The following ARMC3 variants were observed in gnomAD, a reference collection of about 807,000 sequenced individuals.
ARMC3 encodes the protein armadillo repeat containing 3.
ARMC3 carries 74 observed loss-of-function variants against 90.3 expected under a neutral mutation model. The ratio of observed to expected loss-of-function variants is 0.82; its 90% CI spans 0.68 to 0.99. The LOEUF (loss-of-function observed/expected upper bound fraction) is 0.99, where lower values mean the gene tolerates loss of function less well. Among genes scored for constraint, ARMC3 ranks in the 50% least tolerant of loss-of-function variants. ARMC3 has a pLI of 0.00. For synonymous variants in ARMC3, 334 were observed against 361.8 expected, an observed-to-expected ratio of 0.92 and a Z score of 0.87; for missense variants, 958 against 1,042.8, an observed-to-expected ratio of 0.92 and a Z score of 1.12.
At chr10:22,932,080 CA>C (rs1178926575) in intron 2 of ARMC3, 36 bp downstream of exon 2, 1 of 1,538,442 alleles carries the variant, frequency 6.5e-7, no homozygotes, top group Non-Finnish European at 8.8e-7. Context: ...AGCACTTTAA[CA>C]ACCAGTTATA....
intron 7 of ARMC3, 90 bp downstream of exon 7, chr10:22,962,168 T>A: frequency 1.0e-6 from 1 of 980,902 alleles, no homozygotes. Flanking sequence ...TAACGTGTAT[T>A]AAGTGTAATA....
chr10:23,022,704 C>T (rs1024509028), intron 16 of ARMC3, among the ~76,000 whole-genome samples: 4 of 152,146 alleles, frequency 2.6e-5, no homozygotes, highest in African/African-American at 9.7e-5. Flanking sequence ...TCCCTTTTCC[C>T]CCTTCTACCC....
Position 22,959,073 on chromosome 10 carries a change from A to G in ARMC3, c.296A>G (p.Asp99Gly). 6.2e-7 allele frequency: 1 copy of G among 1,605,496 alleles called. No homozygotes were observed. Among genetic ancestry groups the G allele is most frequent in the Non-Finnish European group, 8.5e-7 (1 of 1,172,256 alleles). ...MIFGILASNN[D>G]VKKLLRELDV... is the part of the protein sequence containing the mutation. Reference sequence around the variant, plus strand: ...TACTCTGTTTCTTCCTTTGTAGATGATGTTAAAAAATTGTTAAGGGAGTTA... The same window carrying G: ...TACTCTGTTTCTTCCTTTGTAGATGGTGTTAAAAAATTGTTAAGGGAGTTA... Residue 99 changes from aspartate (D) to glycine (G), a missense_variant, in exon 5 of 19, where the codon GAT becomes GGT. Asp to Gly is a moderately conservative substitution (Grantham distance 94, BLOSUM62 -1). Transcript: ENST00000298032.
At chr10:23,011,100 C>T (rs561768532) in intron 16 of ARMC3, among the ~76,000 whole-genome samples, 1 of 151,444 alleles carries the variant, frequency 6.6e-6, no homozygotes, top group Non-Finnish European at 1.5e-5. Context: ...ACCCTTTGGC[C>T]TCTCTGAGCC....
chr10:22,942,978 C>T (rs991265111), intron 2 of ARMC3, among the ~76,000 whole-genome samples: 1 of 152,018 alleles, frequency 6.6e-6, no homozygotes, highest in Non-Finnish European at 1.5e-5. Flanking sequence ...TTGTATGATT[C>T]CTTATATGAA....
At chr10:22,963,879 A>C (rs1316931654) in intron 7 of ARMC3, among the ~76,000 whole-genome samples, 1 of 125,272 alleles carries the variant, frequency 8.0e-6, no homozygotes. Flanking sequence ...ACAGGGCGAG[A>C]CTCTGTCTCA....
At chr10:22,971,816 A>G (rs1015777388) in intron 8 of ARMC3, among the ~76,000 whole-genome samples, 1 of 152,088 alleles carries the variant, frequency 6.6e-6, no homozygotes, top group Non-Finnish European at 1.5e-5. Context: ...CCCATAACCA[A>G]TGCACAAGAG....
intron 16 of ARMC3, among the ~76,000 whole-genome samples, chr10:23,024,403 T>C (rs568250761): frequency 7.4e-5 from 9 of 120,964 alleles, no homozygotes; most frequent in African/African-American, 1.1e-4. Context: ...CATAGATAGA[T>C]AGATAGATAG....
intron 13 of ARMC3, among the ~76,000 whole-genome samples, chr10:23,004,687 T>C (rs1353423241): frequency 6.6e-6 from 1 of 152,172 alleles, no homozygotes; most frequent in African/African-American, 2.4e-5. Flanking sequence ...TGAGCCCCGG[T>C]TGCAGGAAGC....
At chr10:22,933,084 C>T (rs1009536617) in intron 2 of ARMC3, among the ~76,000 whole-genome samples, 1 of 152,156 alleles carries the variant, frequency 6.6e-6, no homozygotes, top group Non-Finnish European at 1.5e-5. Context: ...CACACACTTG[C>T]ACCCCTGTGC....
intron 8 of ARMC3, among the ~76,000 whole-genome samples, chr10:22,970,522 T>A (rs1588861135): frequency 6.6e-6 from 1 of 152,182 alleles, no homozygotes; most frequent in Non-Finnish European, 1.5e-5. Flanking sequence ...GGATTTTCAC[T>A]TGTTAAAGAA....
At chr10:23,001,564 CTCTG>C (rs1399463464) in intron 11 of ARMC3, among the ~76,000 whole-genome samples, 2 of 152,164 alleles carry the variant, frequency 1.3e-5, no homozygotes, top group Non-Finnish European at 2.9e-5. Flanking sequence ...GGGCCCCTTA[CTCTG>C]TCTATCACTG....
chr10:23,003,702 G>A (rs1267628904), intron 13 of ARMC3, among the ~76,000 whole-genome samples: 1 of 152,180 alleles, frequency 6.6e-6, no homozygotes, highest in African/African-American at 2.4e-5. Context: ...ATGCATATCT[G>A]TAGTCCCAGC....
At chr10:22,993,241 A>G (rs7917328) in intron 10 of ARMC3, among the ~76,000 whole-genome samples, 6 of 152,176 alleles carry the variant, frequency 3.9e-5, no homozygotes, top group African/African-American at 1.4e-4. Context: ...AATGGTGTCA[A>G]CTGGTGCACA....
chr10:23,024,288 T>C (rs76568538), intron 16 of ARMC3, among the ~76,000 whole-genome samples: 21,980 of 151,978 alleles, frequency 0.14, 1,699 homozygotes, highest in South Asian at 0.16. Flanking sequence ...ACTAAACAAC[T>C]TACAGTTAGC....
At chr10:22,975,001 G>A (rs1835855774) in intron 8 of ARMC3, among the ~76,000 whole-genome samples, 1 of 152,098 alleles carries the variant, frequency 6.6e-6, no homozygotes, top group Non-Finnish European at 1.5e-5. Flanking sequence ...TTGTCATTTA[G>A]AGTTATATAC....
At position 22,959,088 on chromosome 10, in the gene ARMC3, TA is replaced by T; in HGVS notation, c.313del (p.Arg105GlyfsTer3). On this transcript the variant is annotated frameshift_variant, in exon 5 of 19. Coordinates refer to ENST00000298032, the MANE Select transcript of ARMC3 (RefSeq NM_173081.5). LOFTEE classifies it high-confidence loss of function. ...TTTGTAGATGATGTTAAAAAATTGT[TA>T]AGGGAGTTAGATGTCATGAATTCTG... The part of the protein sequence containing the change: ...LASNNDVKKL[L>X]RELDVMNSVI... The T allele has an allele frequency of 1.2e-6, 2 of 1,611,518 alleles. No individual in the cohort carries two copies. The highest frequency in any genetic ancestry group is 1.7e-6 in the Non-Finnish European group (2 of 1,177,666).
At position 22,990,847 on chromosome 10, in the gene ARMC3, C is replaced by T. The variant is rs187738081; in HGVS notation, c.1176-7301C>T. 3.3e-5 allele frequency among the ~76,000 whole-genome samples: 5 copies of T among 152,294 alleles called. No homozygotes were observed. The East Asian group carries it at 9.6e-4, about 29-fold the overall frequency. On this transcript the variant is annotated intron_variant, in intron 10 of 18. Transcript: ENST00000298032. ...ATGATCTCTTTGAATTCCTCCAGCA[C>T]TCCTTGTACTCACTCCAGTAGGCAC... is the stretch of plus-strand genomic sequence containing the variant.
At chr10:22,954,477 C>A (rs889392224) in intron 3 of ARMC3, among the ~76,000 whole-genome samples, 4 of 148,956 alleles carry the variant, frequency 2.7e-5, no homozygotes, top group Non-Finnish European at 5.9e-5. Context: ...GCCTGGGAAA[C>A]ATAGTGAGAC....
Sources: allele counts gnomAD v4.1 joint callset (sites outside exome capture counted in the v4.1 genomes callset), GRCh38; gene constraint gnomAD v4.1.1; transcripts MANE v1.5; gene names NCBI Gene and HGNC (gene_info 2026-07-23, HGNC 2026-07-21).